The following RIMKLB variants were observed in gnomAD, a reference collection of about 807,000 sequenced individuals.
RIMKLB encodes ribosomal modification protein rimK like family member B.
In RIMKLB, 7 loss-of-function variants were observed where a neutral mutation model predicts 32.0. The observed-to-expected ratio is 0.22, with a 90% CI of 0.12 to 0.41. The LOEUF is 0.41. RIMKLB is among the 10% of genes least tolerant of loss of function. RIMKLB has a pLI of 1.00. For synonymous variants in RIMKLB, 172 were observed against 185.1 expected, an observed-to-expected ratio of 0.93 and a Z score of 0.57; for missense variants, 289 against 498.7, an observed-to-expected ratio of 0.58 and a Z score of 4.00.
In RIMKLB at chr12:8,708,699, A is replaced by T. The variant is rs769410012; in HGVS notation, c.-56-5112A>T. On this transcript the variant is annotated intron_variant, in intron 1 of 5. Coordinates refer to ENST00000535829, the MANE Select transcript of RIMKLB (RefSeq NM_001297776.2). ...GTACTTTCTAAACTATTACCTTAGA[A>T]AAAATTTAGGAAATCTTAAGCAGTG... 1.1e-4 allele frequency among the ~76,000 whole-genome samples: 17 copies of T among 152,340 alleles called. No homozygotes were observed. In the South Asian group the frequency reaches 3.3e-3, roughly 30 times the overall value.
intron 2 of RIMKLB, among the ~76,000 whole-genome samples, chr12:8,729,322 C>T (rs111245533): frequency 0.025 from 3,753 of 151,732 alleles, 145 homozygotes; most frequent in African/African-American, 0.085. Context: ...AAGTGGCTCT[C>T]GGTGGGAAGC....
At chr12:8,720,700 C>T (rs777571759) in intron 2 of RIMKLB, among the ~76,000 whole-genome samples, 15 of 152,226 alleles carry the variant, frequency 9.9e-5, no homozygotes, top group African/African-American at 3.1e-4. Context: ...CCACCACGCT[C>T]AGCTAATTTT....
Position 8,773,915 on chromosome 12 carries a change from A to C in RIMKLB, c.*131A>C, listed in dbSNP as rs1409705817. Reference sequence around the variant, plus strand: ...AGAGAAAATTAGTAGGATTAGTTGGAGAGAGTGGGAGATAGATGAGACCTC... The same window carrying C: ...AGAGAAAATTAGTAGGATTAGTTGGCGAGAGTGGGAGATAGATGAGACCTC... On this transcript the variant is annotated 3_prime_UTR_variant, in exon 6 of 6. Transcript: ENST00000535829. The C allele has an allele frequency of 2.3e-5, 33 of 1,438,716 alleles. No homozygotes were observed. Among genetic ancestry groups the C allele is most frequent in the Non-Finnish European group, 2.9e-5 (32 of 1,099,540 alleles). 89.1% of individuals were successfully genotyped at this position (1,438,716 alleles called of 1,614,324 possible). A position where few individuals can be genotyped will look rare whatever the true frequency, so the allele number is the denominator to read the frequency against.
chr12:8,692,328 A>C (rs142800467), upstream of RIMKLB, among the ~76,000 whole-genome samples: 4 of 152,352 alleles, frequency 2.6e-5, no homozygotes, highest in African/African-American at 9.6e-5. Flanking sequence ...TTTGGTCTCT[A>C]AGACACTGTG....
chr12:8,754,236 T>C (rs1188930519), intron 5 of RIMKLB, 143 bp downstream of exon 5: 5 of 626,990 alleles, frequency 8.0e-6, no homozygotes, highest in Non-Finnish European at 1.1e-5. Flanking sequence ...TTTTTACACA[T>C]GCCATCAATG....
At position 8,690,903 on chromosome 12, in the gene RIMKLB, C is replaced by G. The variant is rs201109102; in HGVS notation, n.219+9085C>G. ...GTGCCATTCCACTCCAGCCTGGCGACAGAGCGAGAGTCCGTCTCAAAAAAC... is the reference window on the plus strand; with the variant it reads ...GTGCCATTCCACTCCAGCCTGGCGAGAGAGCGAGAGTCCGTCTCAAAAAAC... On this transcript the variant is annotated intron_variant and non_coding_transcript_variant, in intron 1 of 1. Transcript: ENST00000538758. Among the ~76,000 whole-genome samples the G allele has an allele frequency of 1.2e-4, 18 of 152,072 alleles. No homozygotes were observed. In the East Asian group the frequency reaches 2.9e-3, roughly 25 times the overall value.
intron 2 of RIMKLB, among the ~76,000 whole-genome samples, chr12:8,723,561 C>A (rs1248557144): frequency 1.3e-5 from 2 of 152,068 alleles, no homozygotes; most frequent in East Asian, 1.9e-4. Flanking sequence ...TTGTAAAAAA[C>A]ACAATAACTG....
the RIMKLB span, among the ~76,000 whole-genome samples, chr12:8,669,920 G>A: frequency 6.6e-5 from 10 of 151,290 alleles, no homozygotes; most frequent in African/African-American, 1.9e-4. Flanking sequence ...CCAGCTACTC[G>A]GGAGGCTGAG....
At chr12:8,733,494 C>T (rs1946732045) in intron 2 of RIMKLB, among the ~76,000 whole-genome samples, 2 of 152,044 alleles carry the variant, frequency 1.3e-5, no homozygotes, top group Non-Finnish European at 2.9e-5. Flanking sequence ...TAAGGAAAAA[C>T]ATGAAATTGC....
chr12:8,748,554 G>GCATA (rs1338198279), intron 2 of RIMKLB, among the ~76,000 whole-genome samples: 3,239 of 109,524 alleles, frequency 0.03, 130 homozygotes, highest in African/African-American at 0.089. Context: ...GTGTGTGTGT[G>GCATA]TGTGCATATA....
chr12:8,738,004 G>GCGC (rs1270088499), intron 2 of RIMKLB, among the ~76,000 whole-genome samples: 1 of 152,172 alleles, frequency 6.6e-6, no homozygotes, highest in Admixed American at 6.5e-5. Flanking sequence ...GTGAGCCACT[G>GCGC]CGCCTGGCCC....
intron 2 of RIMKLB, among the ~76,000 whole-genome samples, chr12:8,735,418 CGG>C (rs1202561418): frequency 6.6e-6 from 1 of 152,102 alleles, no homozygotes; most frequent in African/African-American, 2.4e-5. Flanking sequence ...TTAGTAGAGA[CGG>C]GGCTTTGCCA....
chr12:8,770,570 A>G (rs1376281129), intron 5 of RIMKLB, among the ~76,000 whole-genome samples: 3 of 152,190 alleles, frequency 2.0e-5, no homozygotes, highest in Admixed American at 1.3e-4. Flanking sequence ...GTATGTTAGT[A>G]TCATTTCTTG....
rs372670272 is a variant in RIMKLB at position 8,782,290 on chromosome 12, A to G, written c.*298-622A>G. 7.9e-4 allele frequency among the ~76,000 whole-genome samples: 121 copies of G among 152,208 alleles called. 2 individuals carry two copies. In the South Asian group the frequency reaches 0.024, roughly 30 times the overall value. On this transcript the variant is annotated intron_variant, in intron 7 of 7. Coordinates refer to the RIMKLB transcript ENST00000619374. ...GTTTTATTTTGTATGTTCTACAAGG[A>G]ATTTTTGTTAGATTTTTTCTTTTGG... is the stretch of plus-strand genomic sequence containing the variant.
At chr12:8,744,735 A>C (rs1302139157) in intron 2 of RIMKLB, among the ~76,000 whole-genome samples, 1 of 151,766 alleles carries the variant, frequency 6.6e-6, no homozygotes, top group East Asian at 1.9e-4. Context: ...GTCTCTGCTC[A>C]CTTCAACCTC....
intron 4 of RIMKLB, among the ~76,000 whole-genome samples, chr12:8,752,714 GGTT>G (rs757968321): frequency 1.4e-4 from 22 of 151,974 alleles, no homozygotes; most frequent in South Asian, 8.3e-4. Flanking sequence ...AGTTTAGGTA[GGTT>G]GTTGTTGTTG....
chr12:8,746,211 T>C (rs1948072527), intron 2 of RIMKLB, among the ~76,000 whole-genome samples: 1 of 151,780 alleles, frequency 6.6e-6, no homozygotes, highest in South Asian at 2.1e-4. Flanking sequence ...TATCCTTATC[T>C]CAAAATTTTT....
chr12:8,748,734 T>TA (rs1948368573), intron 2 of RIMKLB, among the ~76,000 whole-genome samples: 2 of 151,856 alleles, frequency 1.3e-5, no homozygotes, highest in African/African-American at 4.8e-5. Flanking sequence ...GTCAGAAGTT[T>TA]AAGACCATCC....
intron 2 of RIMKLB, among the ~76,000 whole-genome samples, chr12:8,719,896 T>A (rs12318215): frequency 0.073 from 11,091 of 152,224 alleles, 1,309 homozygotes; most frequent in African/African-American, 0.25. Context: ...ACTCCTGAGG[T>A]TCTTGTTCTG....
Sources: allele counts gnomAD v4.1 joint callset (sites outside exome capture counted in the v4.1 genomes callset), GRCh38; gene constraint gnomAD v4.1.1; transcripts MANE v1.5; gene names NCBI Gene and HGNC (gene_info 2026-07-23, HGNC 2026-07-21).